Variants in MACROD2 observed in about 807,000 individuals in gnomAD.
MACROD2 encodes the protein mono-ADP ribosylhydrolase 2.
In MACROD2, 36 loss-of-function variants were observed where a neutral mutation model predicts 70.4. The observed-to-expected ratio is 0.51, with a 90% CI of 0.39 to 0.68. The LOEUF is 0.68. Among genes scored for constraint, MACROD2 ranks in the 30% least tolerant of loss-of-function variants. MACROD2 has a pLI of 0.00. For synonymous variants in MACROD2, 172 were observed against 178.8 expected (o/e 0.96, Z 0.30); for missense variants, 496 against 538.4 (o/e 0.92, Z 0.78).
intron 3 of MACROD2, among the ~76,000 whole-genome samples, chr20:14,348,694 T>TA (rs1277238861): frequency 6.6e-6 from 1 of 152,194 alleles, no homozygotes; most frequent in Non-Finnish European, 1.5e-5. Context: ...ACAGATTCAT[T>TA]AAAAAATAAA....
intron 5 of MACROD2, among the ~76,000 whole-genome samples, chr20:15,186,100 T>G (rs1176408864): frequency 6.6e-6 from 1 of 152,202 alleles, no homozygotes; most frequent in African/African-American, 2.4e-5. Flanking sequence ...ATGCTTATCA[T>G]GCAGTGAAAA....
chr20:15,368,948 G>A (rs2045451544), intron 6 of MACROD2, among the ~76,000 whole-genome samples: 1 of 152,166 alleles, frequency 6.6e-6, no homozygotes, highest in African/African-American at 2.4e-5. Context: ...ATTGCCTGAT[G>A]AGTTGATTAA....
intron 4 of MACROD2, among the ~76,000 whole-genome samples, chr20:14,591,759 T>G (rs1981785804): frequency 2.0e-5 from 3 of 152,190 alleles, no homozygotes; most frequent in African/African-American, 7.2e-5. Flanking sequence ...TCAGGCTAGC[T>G]AGTATTACAA....
At chr20:14,736,287 T>C (rs544516838) in intron 5 of MACROD2, among the ~76,000 whole-genome samples, 2 of 152,162 alleles carry the variant, frequency 1.3e-5, no homozygotes, top group South Asian at 4.1e-4. Flanking sequence ...GGAAAATCCA[T>C]AGAGACATAA....
rs149446633 is a variant in MACROD2, at chr20:14,353,270, TA to T, written c.272-140208del. ...AAGAACAGAAAAGGGATTATAAATA[TA>T]CTAGAATTAATAATTACTCATCTGT... On this transcript the variant is annotated intron_variant, in intron 3 of 17. Transcript: ENST00000684519. Among the ~76,000 whole-genome samples the T allele has an allele frequency of 1.9e-3, 284 of 152,246 alleles. 2 individuals are homozygous for T. Among genetic ancestry groups the T allele is most frequent in the African/African-American group, 6.4e-3 (266 of 41,558 alleles).
At chr20:14,489,703 G>A (rs429643) in intron 3 of MACROD2, among the ~76,000 whole-genome samples, 124,604 of 152,106 alleles carry the variant, frequency 0.82, 51,433 homozygotes, top group East Asian at 1. Flanking sequence ...AACTCTGTAC[G>A]AATAGTTTTA....
intron 6 of MACROD2, among the ~76,000 whole-genome samples, chr20:15,402,993 T>G (rs1364463125): frequency 6.6e-6 from 1 of 151,736 alleles, no homozygotes; most frequent in Non-Finnish European, 1.5e-5. Flanking sequence ...TGAGATGGAG[T>G]TTTACTCTTG....
chr20:15,035,381 G>A (rs2075304878), intron 5 of MACROD2, among the ~76,000 whole-genome samples: 1 of 151,978 alleles, frequency 6.6e-6, no homozygotes, highest in Non-Finnish European at 1.5e-5. Context: ...TGAAGCCTGG[G>A]CAACAGAGTG....
intron 8 of MACROD2, among the ~76,000 whole-genome samples, chr20:15,823,122 A>C (rs1049283774): frequency 6.6e-6 from 1 of 152,246 alleles, no homozygotes; most frequent in African/African-American, 2.4e-5. Context: ...ATTTAGAAGC[A>C]ACATGGATAA....
At chr20:15,077,315 G>A (rs2075665517) in intron 5 of MACROD2, among the ~76,000 whole-genome samples, 1 of 152,076 alleles carries the variant, frequency 6.6e-6, no homozygotes, top group Non-Finnish European at 1.5e-5. Context: ...ATGTCCACAG[G>A]TAAAGGGTCT....
intron 5 of MACROD2, among the ~76,000 whole-genome samples, chr20:14,797,207 AATGGTCTCT>A (rs2072520181): frequency 6.6e-6 from 1 of 151,912 alleles, no homozygotes; most frequent in Non-Finnish European, 1.5e-5. Flanking sequence ...TATCCTTCTA[AATGGTCTCT>A]ATGTATTTCT....
intron 4 of MACROD2, among the ~76,000 whole-genome samples, chr20:14,647,960 C>A (rs988658518): frequency 2.6e-5 from 4 of 152,150 alleles, no homozygotes; most frequent in Non-Finnish European, 4.4e-5. Context: ...CCATTTGCAT[C>A]CTATCCAGCT....
chr20:14,765,464 G>A (rs556127890), intron 5 of MACROD2, among the ~76,000 whole-genome samples: 2 of 152,040 alleles, frequency 1.3e-5, no homozygotes, highest in African/African-American at 4.8e-5. Context: ...ATAACCTGGG[G>A]GACAACTGAC....
chr20:14,508,607 T>C (rs2084995197), intron 4 of MACROD2, among the ~76,000 whole-genome samples: 2 of 152,184 alleles, frequency 1.3e-5, no homozygotes, highest in African/African-American at 4.8e-5. Flanking sequence ...GGCAAGCACC[T>C]CCATGTTCCA....
At chr20:14,484,880 T>C (rs1481241187) in intron 3 of MACROD2, among the ~76,000 whole-genome samples, 1 of 152,242 alleles carries the variant, frequency 6.6e-6, no homozygotes, top group Non-Finnish European at 1.5e-5. Flanking sequence ...TTGGCTATTG[T>C]GAATAGTGCT....
At chr20:15,554,839 G>T (rs540698779) in intron 8 of MACROD2, among the ~76,000 whole-genome samples, 8 of 152,316 alleles carry the variant, frequency 5.3e-5, no homozygotes, top group African/African-American at 1.2e-4. Flanking sequence ...GGAAGGAAAT[G>T]ACTTTAGCTG....
rs1555827647 is a variant in MACROD2 at position 15,484,077 on chromosome 20, A to ATTTTG, written c.572-15693_572-15692insGTTTT. Among the ~76,000 whole-genome samples the ATTTTG allele has an allele frequency of 1.0e-3, 150 of 149,918 alleles. No homozygotes were observed. In the East Asian group the frequency reaches 0.017, roughly 17 times the overall value. On this transcript the variant is annotated intron_variant, in intron 7 of 17. Coordinates refer to ENST00000684519, the MANE Select transcript of MACROD2 (RefSeq NM_001351661.2). ...ATTTTATTTTATTTTATTTTATTTT[A>ATTTTG]TTTTATTTTTCTTGTCTTGCTGCTT... is the stretch of plus-strand genomic sequence containing the variant.
chr20:14,622,762 A>G (rs565332694), intron 4 of MACROD2: 2 of 152,326 alleles, frequency 1.3e-5, no homozygotes, highest in South Asian at 4.1e-4. Flanking sequence ...TGAAATGACA[A>G]TCAGTATACC....
chr20:15,390,166 G>A (rs946352375), intron 6 of MACROD2, among the ~76,000 whole-genome samples: 6 of 152,184 alleles, frequency 3.9e-5, no homozygotes, highest in African/African-American at 1.4e-4. Flanking sequence ...GGAAGAGAAT[G>A]ATGAAGGAGC....
Sources: allele counts gnomAD v4.1 joint callset (sites outside exome capture counted in the v4.1 genomes callset), GRCh38; gene constraint gnomAD v4.1.1; transcripts MANE v1.5; gene names NCBI Gene and HGNC (gene_info 2026-07-23, HGNC 2026-07-21).